Variants in ASIC2 observed in about 807,000 individuals in gnomAD.
ASIC2 encodes the protein acid sensing ion channel subunit 2.
ASIC2 carries 25 observed loss-of-function variants against 57.3 expected under a neutral mutation model. The observed-to-expected ratio is 0.44, with a 90% CI of 0.32 to 0.61. ASIC2 has a LOEUF of 0.61. Ranked by LOEUF, ASIC2 falls within the 20% of genes least tolerant of loss-of-function variation. The pLI is 0.06. For missense variants in ASIC2, 641 were observed against 738.1 expected, an observed-to-expected ratio of 0.87 and a Z score of 1.52; for synonymous variants, 319 against 307.5, an observed-to-expected ratio of 1.04 and a Z score of -0.39.
At chr17:33,398,623 T>C (rs1910168594) in intron 1 of ASIC2, among the ~76,000 whole-genome samples, 1 of 152,102 alleles carries the variant, frequency 6.6e-6, no homozygotes. Flanking sequence ...ATGGTGATGA[T>C]GGTGTTGGTG....
rs1461920645 is a variant in ASIC2 at position 33,013,772 on chromosome 17, ACGGCGGGGCCCAAGGATG to A, written c.*175_*192del. 1.6e-6 allele frequency: 1 copy of A among 613,010 alleles called. No individual in the cohort carries two copies. Among genetic ancestry groups the A allele is most frequent in the Non-Finnish European group, 2.9e-6 (1 of 341,282 alleles). 38.0% of individuals were successfully genotyped at this position (613,010 alleles called of 1,614,324 possible). A position where few individuals can be genotyped will look rare whatever the true frequency, so the allele number is the denominator to read the frequency against. On this transcript the variant is annotated 3_prime_UTR_variant, in exon 10 of 10. Coordinates refer to ENST00000225823, the MANE Select transcript of ASIC2 (RefSeq NM_183377.2). ...GACTCATCTCTCCTAAGAGGGACGC[ACGGCGGGGCCCAAGGATG>A]CGTCGTGTTGGACGTGGCCGGAGCG...
At chr17:33,675,228 A>G (rs943321582) in intron 1 of ASIC2, among the ~76,000 whole-genome samples, 6 of 152,174 alleles carry the variant, frequency 3.9e-5, no homozygotes, top group Admixed American at 1.3e-4. Context: ...GTCATGCTCC[A>G]TCTACCTGAA....
chr17:33,677,135 A>T (rs1343162232), intron 1 of ASIC2, among the ~76,000 whole-genome samples: 1 of 151,726 alleles, frequency 6.6e-6, no homozygotes, highest in Non-Finnish European at 1.5e-5. Context: ...CTTGGTAGCA[A>T]TGCAAGAACA....
At chr17:33,220,731 T>G (rs1459825454) in intron 1 of ASIC2, among the ~76,000 whole-genome samples, 1 of 152,098 alleles carries the variant, frequency 6.6e-6, no homozygotes, top group Non-Finnish European at 1.5e-5. Context: ...AGTACTCTCC[T>G]CTGTAGAAGT....
chr17:33,150,400 A>AT (rs1291394064), intron 1 of ASIC2, among the ~76,000 whole-genome samples: 4 of 152,072 alleles, frequency 2.6e-5, no homozygotes, highest in Admixed American at 6.5e-5. Context: ...AGAATATTTG[A>AT]TTTTTTGCCT....
chr17:33,276,970 C>T (rs1874600), intron 1 of ASIC2, among the ~76,000 whole-genome samples: 16 of 152,016 alleles, frequency 1.1e-4, no homozygotes, highest in African/African-American at 3.9e-4. Context: ...CAGACTTGTA[C>T]ATCCTTGCTA....
chr17:33,261,862 TCCTATCCCAGAGGAGG>T (rs1165871638), intron 1 of ASIC2, among the ~76,000 whole-genome samples: 3 of 152,138 alleles, frequency 2.0e-5, no homozygotes, highest in Admixed American at 6.5e-5. Context: ...CAGAGGCGTC[TCCTATCCCAGAGGAGG>T]CCAGCTGGCC....
intron 1 of ASIC2, among the ~76,000 whole-genome samples, chr17:33,773,002 G>A (rs911102423): frequency 6.6e-6 from 1 of 152,206 alleles, no homozygotes; most frequent in African/African-American, 2.4e-5. Context: ...AAGTGGAAAC[G>A]ACTGTTATTT....
intron 1 of ASIC2, among the ~76,000 whole-genome samples, chr17:33,447,494 G>A (rs1266532936): frequency 6.6e-6 from 1 of 152,138 alleles, no homozygotes; most frequent in Non-Finnish European, 1.5e-5. Flanking sequence ...TAATGAGAGG[G>A]GCTAGGCCTT....
intron 1 of ASIC2, among the ~76,000 whole-genome samples, chr17:33,960,391 G>A (rs968365208): frequency 6.6e-6 from 1 of 152,146 alleles, no homozygotes; most frequent in Admixed American, 6.5e-5. Context: ...TGTTTTCATT[G>A]CCAGAGATGG....
chr17:33,849,487 T>C (rs1913705963), intron 1 of ASIC2, among the ~76,000 whole-genome samples: 1 of 152,204 alleles, frequency 6.6e-6, no homozygotes, highest in Non-Finnish European at 1.5e-5. Flanking sequence ...CAAGCCTACG[T>C]TTCTCTGACA....
At chr17:33,528,607 A>G (rs1019760618) in intron 1 of ASIC2, among the ~76,000 whole-genome samples, 3 of 152,150 alleles carry the variant, frequency 2.0e-5, no homozygotes, top group Non-Finnish European at 2.9e-5. Context: ...GCTTGGGTAA[A>G]GGTGGCCTTT....
chr17:34,125,797 G>A (rs73986870), intron 1 of ASIC2, among the ~76,000 whole-genome samples: 2,249 of 152,288 alleles, frequency 0.015, 48 homozygotes, highest in African/African-American at 0.051. Flanking sequence ...TACCACAGCC[G>A]CTAAGACATG....
At chr17:34,116,310 T>C (rs766279068) in intron 1 of ASIC2, among the ~76,000 whole-genome samples, 7 of 152,176 alleles carry the variant, frequency 4.6e-5, no homozygotes, top group Non-Finnish European at 8.8e-5. Context: ...GGAACAATAA[T>C]GTCTCCCTCC....
At chr17:33,733,685 A>T (rs1909817917) in intron 1 of ASIC2, among the ~76,000 whole-genome samples, 1 of 152,180 alleles carries the variant, frequency 6.6e-6, no homozygotes, top group Non-Finnish European at 1.5e-5. Flanking sequence ...TGCCACTGCT[A>T]AGAAATTAAT....
chr17:33,937,214 G>A (rs1038616202), intron 1 of ASIC2, among the ~76,000 whole-genome samples: 1 of 152,190 alleles, frequency 6.6e-6, no homozygotes, highest in African/African-American at 2.4e-5. Flanking sequence ...TGATTCTCCT[G>A]CCTCAGCCTC....
At position 33,775,019 on chromosome 17, in the gene ASIC2, G is replaced by A. The variant is rs115895193; in HGVS notation, c.555+380959C>T. On this transcript the variant is annotated intron_variant, in intron 1 of 9. Transcript: ENST00000359872. ...CCAGGAGGACAGAGTATCCAAAAGA[G>A]ACATATCCTGAAGAGCAATGCTCAG... 1.8e-3 allele frequency among the ~76,000 whole-genome samples: 279 copies of A among 152,336 alleles called. 1 individual carries two copies. Among genetic ancestry groups the A allele is most frequent in the African/African-American group, 6.6e-3 (273 of 41,576 alleles).
chr17:33,057,068 A>G (rs949538397), intron 3 of ASIC2, among the ~76,000 whole-genome samples: 1 of 152,170 alleles, frequency 6.6e-6, no homozygotes, highest in African/African-American at 2.4e-5. Context: ...CACAGCAGAG[A>G]TGAGCTAAAT....
chr17:34,131,417 G>C (rs1443689858), intron 1 of ASIC2, among the ~76,000 whole-genome samples: 1 of 152,182 alleles, frequency 6.6e-6, no homozygotes, highest in Non-Finnish European at 1.5e-5. Context: ...CCCCAGAAGA[G>C]TCATTTTGGC....
Sources: gnomAD v4.1 joint callset for allele counts (sites outside exome capture counted in the v4.1 genomes callset) on GRCh38, gnomAD v4.1.1 for gene constraint, MANE v1.5 for transcripts, NCBI Gene and HGNC (gene_info 2026-07-23, HGNC 2026-07-21) for gene names.